The following MRTFA variants were observed in gnomAD, a reference collection of about 807,000 sequenced individuals.
MRTFA encodes myocardin related transcription factor A, also known as myocardin-related transcription factor A.
A neutral mutation model predicts 83.5 loss-of-function variants in MRTFA; 20 were observed. The observed-to-expected ratio is 0.24, with a 90% CI of 0.17 to 0.35. The LOEUF (loss-of-function observed/expected upper bound fraction) is 0.35. Among genes scored for constraint, MRTFA ranks in the 10% least tolerant of loss-of-function variants. The probability of loss-of-function intolerance (pLI) is 1.00; values close to 1 mark genes in which losing one functional copy is unlikely to be tolerated. For missense variants in MRTFA, 1,200 were observed against 1,224.7 expected (o/e 0.98, Z 0.30); for synonymous variants, 659 against 541.2 (o/e 1.22, Z -3.02).
intron 3 of MRTFA, among the ~76,000 whole-genome samples, chr22:40,520,315 C>T (rs953648097): frequency 5.9e-5 from 9 of 152,342 alleles, no homozygotes; most frequent in East Asian, 1.9e-4. Flanking sequence ...AGTCACTCTC[C>T]ATTTCCTGTT....
intron 1 of MRTFA, among the ~76,000 whole-genome samples, chr22:40,609,482 C>CAAAAAAAAAAAA (rs148106089): frequency 1.4e-5 from 1 of 69,720 alleles, no homozygotes; most frequent in Non-Finnish European, 2.5e-5. Flanking sequence ...GTCTCTTTAA[C>CAAAAAAAAAAAA]AAAAAAAAAA....
intron 3 of MRTFA, among the ~76,000 whole-genome samples, chr22:40,489,559 C>T (rs1490128915): frequency 6.6e-6 from 1 of 152,026 alleles, no homozygotes; most frequent in Non-Finnish European, 1.5e-5. Context: ...GTGACCCTCC[C>T]AGACTCAGCC....
chr22:40,414,941 C>CCA (rs1555958909), intron 14 of MRTFA: 1 of 151,724 alleles, frequency 6.6e-6, no homozygotes, highest in Non-Finnish European at 1.5e-5. Flanking sequence ...CTGGCCCCCC[C>CCA]TGTCCTGGCA....
At chr22:40,522,478 T>C (rs988874260) in intron 3 of MRTFA, 34 of 152,182 alleles carry the variant, frequency 2.2e-4, no homozygotes, top group African/African-American at 7.5e-4. Context: ...TTTCCCAAGA[T>C]GCTGTGAGAT....
intron 2 of MRTFA, among the ~76,000 whole-genome samples, chr22:40,566,811 C>T (rs1337631379): frequency 6.6e-6 from 1 of 152,110 alleles, no homozygotes; most frequent in Non-Finnish European, 1.5e-5. Context: ...CTCGCTTGGG[C>T]AACAGAGCAA....
intron 2 of MRTFA, among the ~76,000 whole-genome samples, chr22:40,557,611 A>T (rs540173051): frequency 9.3e-4 from 141 of 152,152 alleles, no homozygotes; most frequent in Non-Finnish European, 1.5e-3. Context: ...TCTCTTTTTT[A>T]AAAAAAATTT....
intron 4 of MRTFA, among the ~76,000 whole-genome samples, chr22:40,437,254 G>A (rs572322767): frequency 1.6e-4 from 24 of 152,248 alleles, no homozygotes; most frequent in African/African-American, 5.3e-4. Flanking sequence ...CTTCTACTGT[G>A]TAACGCTAGC....
chr22:40,571,794 G>C (rs1035667757), intron 2 of MRTFA, among the ~76,000 whole-genome samples: 1 of 150,800 alleles, frequency 6.6e-6, no homozygotes, highest in African/African-American at 2.4e-5. Flanking sequence ...CATGGTGGCA[G>C]GTGCCTGTAG....
chr22:40,435,507 G>A lies in MRTFA; in HGVS notation c.355C>T (p.Arg119Trp), dbSNP rs780892147. Reference sequence around the variant, plus strand: ...GAAAAAAGGTACCTTACCCTGGCCCGCTCCAAGCTCCTTCTCTGCTCATGA... The same window carrying A: ...GAAAAAAGGTACCTTACCCTGGCCCACTCCAAGCTCCTTCTCTGCTCATGA... The change falls in exon 5 of 15, where the codon CGG becomes TGG. Residue 119 changes from arginine (R) to tryptophan (W), a missense_variant. Around this residue, in one of 2 missense-constraint regions of MRTFA, gnomAD observed 93 missense variants for 182.9 expected, o/e 0.51. Coordinates refer to ENST00000355630, the MANE Select transcript of MRTFA (RefSeq NM_020831.6). 6.2e-6 allele frequency: 10 copies of A among 1,613,972 alleles called. No individual in the cohort carries two copies. The highest frequency in any genetic ancestry group is 1.7e-5 in the Admixed American group (1 of 60,006).
chr22:40,525,653 A>C (rs566030879), intron 3 of MRTFA, among the ~76,000 whole-genome samples: 2 of 152,330 alleles, frequency 1.3e-5, no homozygotes, highest in South Asian at 4.1e-4. Context: ...AGGGGTCCTC[A>C]GACCACACTT....
At chr22:40,534,853 C>A (rs1488359831) in intron 3 of MRTFA, among the ~76,000 whole-genome samples, 1 of 152,050 alleles carries the variant, frequency 6.6e-6, no homozygotes, top group Non-Finnish European at 1.5e-5. Flanking sequence ...AATAGCCCAG[C>A]GAATACCTTA....
Position 40,463,297 on chromosome 22 carries a change from G to A in MRTFA, c.242-11C>T, listed in dbSNP as rs1210046429. 2 of 1,613,108 alleles carry A rather than the reference G, an allele frequency of 1.2e-6. No individual in the cohort carries two copies. The highest frequency in any genetic ancestry group is 1.7e-6 in the Non-Finnish European group (2 of 1,179,298). ...GTTTCAACTGTAGCACTGCAGGGCA[G>A]CAGAGAGAGAGGAGAGATGAGGGGT... On this transcript the variant is annotated splice_polypyrimidine_tract_variant and intron_variant, in intron 3 of 14. Coordinates refer to ENST00000355630, the MANE Select transcript of MRTFA (RefSeq NM_020831.6).
At position 40,420,975 on chromosome 22, in the gene MRTFA, C is replaced by T; in HGVS notation, c.1053G>A (p.Gly351=). 1 of 1,611,246 alleles carries T rather than the reference C, an allele frequency of 6.2e-7. No homozygotes were observed. The highest frequency in any genetic ancestry group is 8.5e-7 in the Non-Finnish European group (1 of 1,177,836). ...CGTAGGATGAGTCCATGGGGGGTGC[C>T]CCCCTGTCCTGCTTCTGGTCCGGGG... Residue 351 remains glycine (G), a synonymous_variant, in exon 10 of 15, where the codon GGG becomes GGA. Coordinates refer to ENST00000355630, the MANE Select transcript of MRTFA (RefSeq NM_020831.6).
intron 3 of MRTFA, among the ~76,000 whole-genome samples, chr22:40,492,203 A>T (rs535978415): frequency 1.3e-5 from 2 of 152,218 alleles, no homozygotes; most frequent in South Asian, 4.1e-4. Context: ...GCCATTTATT[A>T]TTTGCCGAAG....
rs146530131 is a variant in MRTFA, at chr22:40,411,558, C to G, written c.2928G>C (p.Met976Ile). The change falls in exon 15 of 15, where the codon ATG (methionine) becomes ATC (isoleucine). Residue 976 changes from methionine (M) to isoleucine (I), a missense_variant. Physicochemically the swap from Met to Ile is conservative, Grantham distance 10 (BLOSUM62 1). Around this residue, in one of 2 missense-constraint regions of MRTFA, gnomAD observed 1,107 missense variants for 1,041.8 expected, o/e 1.06. Coordinates refer to ENST00000355630, the MANE Select transcript of MRTFA (RefSeq NM_020831.6). ...GGTGGCCATCAGCCAGGTCCAGGCC[C>G]ATGGTGCTGCTGGGCTCAGGAACAA... The G allele has an allele frequency of 6.2e-7, 1 of 1,613,808 alleles. No individual in the cohort carries two copies. The highest frequency in any genetic ancestry group is 8.5e-7 in the Non-Finnish European group (1 of 1,179,934).
intron 3 of MRTFA, among the ~76,000 whole-genome samples, chr22:40,488,354 A>G (rs1047003052): frequency 1.4e-4 from 22 of 152,202 alleles, no homozygotes; most frequent in Non-Finnish European, 1.6e-4. Flanking sequence ...TGAAGGGTCT[A>G]GAACTGTGCT....
At position 40,410,608 on chromosome 22, in the gene MRTFA, G is replaced by A. The variant is rs1405392809; in HGVS notation, c.*782C>T. ...AGGAGCCAGGAAGCAGGGCAGGTGGGGCATAGGCCGTGGCAGGGTACCTAC... is the reference window on the plus strand; with the variant it reads ...AGGAGCCAGGAAGCAGGGCAGGTGGAGCATAGGCCGTGGCAGGGTACCTAC... On this transcript the variant is annotated 3_prime_UTR_variant, in exon 15 of 15. Transcript: ENST00000355630. 3 of 233,374 alleles carry A rather than the reference G, an allele frequency of 1.3e-5. No homozygotes were observed. Among genetic ancestry groups the A allele is most frequent in the Admixed American group, 5.6e-5 (1 of 17,776 alleles). 14.5% of individuals were successfully genotyped at this position (233,374 alleles called of 1,614,324 possible). A position where few individuals can be genotyped will look rare whatever the true frequency, so the allele number is the denominator to read the frequency against.
At chr22:40,459,782 T>C (rs75305662) in intron 4 of MRTFA, among the ~76,000 whole-genome samples, 1,686 of 88,888 alleles carry the variant, frequency 0.019, 20 homozygotes, top group Middle Eastern at 0.045. Flanking sequence ...TGATAAAATA[T>C]ACACACACAC....
intron 2 of MRTFA, among the ~76,000 whole-genome samples, chr22:40,588,808 T>G (rs2056071677): frequency 6.6e-6 from 1 of 152,092 alleles, no homozygotes; most frequent in South Asian, 2.1e-4. Flanking sequence ...ATGGCGAGAC[T>G]CCATCTCTAC....
Sources: gnomAD v4.1 joint callset for allele counts (sites outside exome capture counted in the v4.1 genomes callset) on GRCh38, gnomAD v4.1.1 for gene constraint, gnomAD v4.1.1 regional missense constraint, MANE v1.5 for transcripts, NCBI Gene and HGNC (gene_info 2026-07-23, HGNC 2026-07-21) for gene names.